Variants in SLC41A2 observed in about 807,000 individuals in gnomAD.
SLC41A2 encodes the protein solute carrier family 41 member 2.
A neutral mutation model predicts 58.3 loss-of-function variants in SLC41A2; 32 were observed. That is an observed-to-expected ratio of 0.55 (90% CI 0.41 to 0.74). SLC41A2 has a LOEUF of 0.74. Among genes scored for constraint, SLC41A2 ranks in the 30% least tolerant of loss-of-function variants. The probability of loss-of-function intolerance (pLI) is 0.00; values close to 1 mark genes in which losing one functional copy is unlikely to be tolerated. For missense variants in SLC41A2, 514 were observed against 680.6 expected (o/e 0.76, Z 2.72); for synonymous variants, 190 against 235.0 (o/e 0.81, Z 1.75).
intron 2 of SLC41A2, among the ~76,000 whole-genome samples, chr12:104,916,349 C>T (rs2046320254): frequency 6.6e-6 from 1 of 152,122 alleles, no homozygotes; most frequent in African/African-American, 2.4e-5. Context: ...GGAATGGTAC[C>T]AGCTCCTCCT....
At chr12:104,940,059 G>A (rs2047441281) in intron 1 of SLC41A2, among the ~76,000 whole-genome samples, 1 of 151,596 alleles carries the variant, frequency 6.6e-6, no homozygotes, top group Admixed American at 6.6e-5. Context: ...TTTTGCCCAG[G>A]CTGGAGTGCA....
intron 10 of SLC41A2, among the ~76,000 whole-genome samples, chr12:104,824,418 G>C (rs1208088531): frequency 6.6e-6 from 1 of 152,160 alleles, no homozygotes; most frequent in East Asian, 1.9e-4. Flanking sequence ...GGGGCAGTTG[G>C]AGGAGAGCCC....
At chr12:104,889,876 T>C (rs2044862073) in intron 4 of SLC41A2, among the ~76,000 whole-genome samples, 1 of 152,088 alleles carries the variant, frequency 6.6e-6, no homozygotes, top group African/African-American at 2.4e-5. Flanking sequence ...TATAAACTGC[T>C]TTCCACAGTG....
intron 1 of SLC41A2, among the ~76,000 whole-genome samples, chr12:104,944,696 T>C (rs1241910029): frequency 6.6e-6 from 1 of 152,148 alleles, no homozygotes; most frequent in Non-Finnish European, 1.5e-5. Context: ...GCTAAAACTA[T>C]TCTCAAAACC....
chr12:104,824,775 T>C (rs1179815912), intron 10 of SLC41A2, among the ~76,000 whole-genome samples: 2 of 152,136 alleles, frequency 1.3e-5, no homozygotes, highest in Non-Finnish European at 1.5e-5. Flanking sequence ...CCCTAGAGGT[T>C]TGAGCAGCTG....
intron 10 of SLC41A2, among the ~76,000 whole-genome samples, chr12:104,807,040 C>T (rs976541980): frequency 5.3e-5 from 8 of 152,126 alleles, no homozygotes; most frequent in Admixed American, 5.2e-4. Context: ...ATGGTAGTTT[C>T]TTTTGCTGTG....
At chr12:104,927,561 A>G (rs1383097442) in intron 2 of SLC41A2, among the ~76,000 whole-genome samples, 5 of 152,212 alleles carry the variant, frequency 3.3e-5, no homozygotes, top group Non-Finnish European at 7.3e-5. Flanking sequence ...TCTGGAGAGG[A>G]GGAGAGTTTT....
chr12:104,906,362 G>C (rs2045850131), intron 3 of SLC41A2, among the ~76,000 whole-genome samples: 1 of 152,158 alleles, frequency 6.6e-6, no homozygotes, highest in African/African-American at 2.4e-5. Flanking sequence ...CAAGGGGTGG[G>C]TGTTTGTTGG....
chr12:104,956,453 C>A (rs1051269085), intron 1 of SLC41A2, among the ~76,000 whole-genome samples: 3 of 152,146 alleles, frequency 2.0e-5, no homozygotes, highest in Non-Finnish European at 4.4e-5. Context: ...CCGAGGTGGG[C>A]AGATCACTTG....
In SLC41A2 at chr12:104,928,580, C is replaced by T. The variant is rs569438901; in HGVS notation, c.-53G>A. 1 of 1,214,824 alleles carries T rather than the reference C, an allele frequency of 8.2e-7. No homozygotes were observed. Among genetic ancestry groups the T allele is most frequent in the East Asian group, 2.6e-5 (1 of 38,546 alleles). The allele number at this position is 1,214,824 out of a possible 1,614,324, so 75.3% of individuals were successfully genotyped here. On this transcript the variant is annotated 5_prime_UTR_variant, in exon 2 of 11. It adds an upstream start codon to the 5' untranslated region. Coordinates refer to ENST00000258538, the MANE Select transcript of SLC41A2 (RefSeq NM_001352171.3). ...CTTAGATCTCAAGCTTCGGGAACCACAGCAGATGAATCAGAACCGCACAAA... is the reference window on the plus strand; with the variant it reads ...CTTAGATCTCAAGCTTCGGGAACCATAGCAGATGAATCAGAACCGCACAAA...
intron 2 of SLC41A2, among the ~76,000 whole-genome samples, chr12:104,912,125 C>T (rs1055838035): frequency 8.5e-5 from 13 of 152,104 alleles, no homozygotes; most frequent in African/African-American, 3.1e-4. Context: ...CTTCAGAATA[C>T]CTTTTACCTA....
intron 4 of SLC41A2, 23 bp downstream of exon 4, chr12:104,895,251 A>G: frequency 6.3e-7 from 1 of 1,584,116 alleles, no homozygotes; most frequent in Non-Finnish European, 8.7e-7. Context: ...CAAGATCTGT[A>G]AACAAATATG....
In SLC41A2 at chr12:104,829,919, A is replaced by C. The variant is rs112363449; in HGVS notation, c.1536+14553T>G. ...GACATAGCCATGCTTATGTGTTTAC[A>C]TATCATCTATGACTACTTTTGCACT... is the stretch of plus-strand genomic sequence containing the variant. On this transcript the variant is annotated intron_variant, in intron 10 of 10. Transcript: ENST00000258538. 3.4e-3 allele frequency among the ~76,000 whole-genome samples: 514 copies of C among 152,358 alleles called. 2 individuals are homozygous for C. The highest frequency in any genetic ancestry group is 0.012 in the African/African-American group (479 of 41,582).
At chr12:104,910,532 G>A (rs2046037603) in intron 2 of SLC41A2, among the ~76,000 whole-genome samples, 1 of 152,070 alleles carries the variant, frequency 6.6e-6, no homozygotes, top group Non-Finnish European at 1.5e-5. Context: ...CCCAACCAAT[G>A]GAATAGACCC....
chr12:104,912,051 C>T (rs1214431549), intron 2 of SLC41A2, among the ~76,000 whole-genome samples: 1 of 152,120 alleles, frequency 6.6e-6, no homozygotes, highest in East Asian at 1.9e-4. Context: ...TCTTTAGACT[C>T]ACTCACTTAA....
At chr12:104,938,343 T>C (rs1411907936) in intron 1 of SLC41A2, among the ~76,000 whole-genome samples, 1 of 152,240 alleles carries the variant, frequency 6.6e-6, no homozygotes. Context: ...TGCTTCGATG[T>C]GATTAATACT....
Position 104,928,188 on chromosome 12 carries a change from TG to T in SLC41A2, c.339del (p.Asn114IlefsTer32). 6.2e-7 allele frequency: 1 copy of T among 1,614,168 alleles called. No homozygotes were observed. Among genetic ancestry groups the T allele is most frequent in the East Asian group, 2.2e-5 (1 of 44,886 alleles). ...TCCCTTCCATCACAGTAATTATAAT[TG>T]GCATAGTCATCATACTTTTGGCTGC... Reference protein sequence around the residue: ...SSCSQKYDDYANYNYCDGRET... With the variant: ...SSCSQKYDDYXNYNYCDGRET... On this transcript the variant is annotated frameshift_variant, in exon 2 of 11. Coordinates refer to ENST00000258538, the MANE Select transcript of SLC41A2 (RefSeq NM_001352171.3). LOFTEE classifies it high-confidence loss of function.
At chr12:104,810,472 A>G (rs946283892) in intron 10 of SLC41A2, among the ~76,000 whole-genome samples, 5 of 152,204 alleles carry the variant, frequency 3.3e-5, no homozygotes, top group African/African-American at 1.2e-4. Context: ...ACAGATTTAT[A>G]TATTATATGA....
chr12:104,956,953 T>C (rs1177982995), intron 1 of SLC41A2, among the ~76,000 whole-genome samples: 13 of 152,142 alleles, frequency 8.5e-5, no homozygotes, highest in Non-Finnish European at 1.5e-5. Flanking sequence ...CCTCATACAC[T>C]GCTTAGTGGG....
Sources: gnomAD v4.1 joint callset for allele counts (sites outside exome capture counted in the v4.1 genomes callset) on GRCh38, gnomAD v4.1.1 for gene constraint, MANE v1.5 for transcripts, NCBI Gene and HGNC (gene_info 2026-07-23, HGNC 2026-07-21) for gene names.